The following XXYLT1 variants were observed in gnomAD, a reference collection of about 807,000 sequenced individuals.
The protein encoded by XXYLT1 is xyloside xylosyltransferase 1.
XXYLT1 carries 20 observed loss-of-function variants against 28.9 expected under a neutral mutation model. The observed-to-expected ratio is 0.69, with a 90% confidence interval of 0.49 to 1.00. The LOEUF (loss-of-function observed/expected upper bound fraction) is 1.00, where lower values mean the gene tolerates loss of function less well. Among genes scored for constraint, XXYLT1 ranks in the 50% least tolerant of loss-of-function variants. The pLI, the probability that XXYLT1 is intolerant of heterozygous loss-of-function variation, is 0.00. For synonymous variants in XXYLT1, 257 were observed against 253.8 expected (o/e 1.01, Z -0.12); for missense variants, 542 against 560.1 (o/e 0.97, Z 0.33).
At chr3:195,219,334 T>C (rs1723717993) in intron 2 of XXYLT1, among the ~76,000 whole-genome samples, 1 of 152,184 alleles carries the variant, frequency 6.6e-6, no homozygotes, top group South Asian at 2.1e-4. Context: ...TGAGTAAAAG[T>C]ACAAAAAGTA....
rs572479903 is a variant in XXYLT1 at position 195,210,335 on chromosome 3, C to G, written c.652+16374G>C. 1.3e-5 allele frequency among the ~76,000 whole-genome samples: 2 copies of G among 152,188 alleles called. No homozygotes were observed. Among genetic ancestry groups the G allele is most frequent in the Non-Finnish European group, 2.9e-5 (2 of 68,044 alleles). ...ACCCACTCACTTGGGGTCCCTCCAC[C>G]AACCGGAAGGTGAGCTCCCCAAGGG... On this transcript the variant is annotated intron_variant, in intron 2 of 3. Transcript: ENST00000310380. This position sits in a 1 kb window ranked among gnomAD's most constrained non-coding sequence, Gnocchi z 4.8.
Position 195,115,539 on chromosome 3 carries a change from G to A in XXYLT1, c.785+40910C>T, listed in dbSNP as rs1436139479. On this transcript the variant is annotated intron_variant, in intron 3 of 3. Coordinates refer to ENST00000310380, the MANE Select transcript of XXYLT1 (RefSeq NM_152531.5). This position sits in a 1 kb window ranked among gnomAD's most constrained non-coding sequence, Gnocchi z 4.2. The stretch of plus-strand genomic sequence containing the variant: ...ACCTGGAGTGGTTTCTGCTTCCTAC[G>A]CGATCCCTGGTTGATAAACCCTGCC... Among the ~76,000 whole-genome samples the A allele has an allele frequency of 2.0e-5, 3 of 152,152 alleles. No individual in the cohort carries two copies. Among genetic ancestry groups the A allele is most frequent in the Admixed American group, 6.5e-5 (1 of 15,276 alleles).
chr3:195,125,496 C>T (rs1718570371), intron 3 of XXYLT1, among the ~76,000 whole-genome samples: 2 of 152,174 alleles, frequency 1.3e-5, no homozygotes, highest in African/African-American at 4.8e-5. Flanking sequence ...GATATGAGCT[C>T]ACAAGCCTGG....
At chr3:195,247,145 G>A (rs1725056063) in intron 1 of XXYLT1, among the ~76,000 whole-genome samples, 1 of 152,160 alleles carries the variant, frequency 6.6e-6, no homozygotes, top group Admixed American at 6.5e-5. Context: ...AAAATAATGT[G>A]TTCCACCCCA....
At chr3:195,106,914 A>T (rs1403726928) in intron 3 of XXYLT1, among the ~76,000 whole-genome samples, 1 of 152,114 alleles carries the variant, frequency 6.6e-6, no homozygotes, top group African/African-American at 2.4e-5. Flanking sequence ...GGAGGAGAGT[A>T]GACACTTGGA....
At chr3:195,071,798 G>A (rs759627945) in intron 3 of XXYLT1, among the ~76,000 whole-genome samples, 15 of 152,128 alleles carry the variant, frequency 9.9e-5, no homozygotes, top group Admixed American at 3.9e-4. Flanking sequence ...AGGGCACCAT[G>A]ACATCAGAGA....
chr3:195,084,001 G>C (rs1715585182), intron 3 of XXYLT1, among the ~76,000 whole-genome samples: 1 of 152,108 alleles, frequency 6.6e-6, no homozygotes, highest in African/African-American at 2.4e-5. Flanking sequence ...ACTCCAGCCT[G>C]GGTGACAGTG....
intron 3 of XXYLT1, chr3:195,122,083 G>C (rs1718387210): frequency 2.8e-6 from 2 of 702,904 alleles, no homozygotes; most frequent in African/African-American, 3.5e-5. Flanking sequence ...TGTCTGGTGA[G>C]GACTCACTGC....
intron 2 of XXYLT1, among the ~76,000 whole-genome samples, chr3:195,198,477 A>G (rs1560147721): frequency 6.6e-6 from 1 of 152,136 alleles, no homozygotes; most frequent in East Asian, 1.9e-4. Context: ...CAAATATTCA[A>G]GGGCCTGGGA....
intron 1 of XXYLT1, among the ~76,000 whole-genome samples, chr3:195,250,288 C>T (rs956817259): frequency 6.6e-6 from 1 of 152,320 alleles, no homozygotes; most frequent in East Asian, 1.9e-4. Flanking sequence ...ACTGGCCGGG[C>T]GTGTTGGCTT....
At chr3:195,221,191 G>A (rs1214358759) in intron 2 of XXYLT1, among the ~76,000 whole-genome samples, 2 of 152,164 alleles carry the variant, frequency 1.3e-5, no homozygotes, top group Non-Finnish European at 2.9e-5. Flanking sequence ...AAACTGTCAA[G>A]GTCATCAAAA....
chr3:195,172,662 C>T (rs977991846), intron 2 of XXYLT1, among the ~76,000 whole-genome samples: 1 of 152,178 alleles, frequency 6.6e-6, no homozygotes, highest in African/African-American at 2.4e-5. Flanking sequence ...AAGATGGCCT[C>T]AGATGGCAGT....
chr3:195,087,895 C>T (rs1304832747), intron 3 of XXYLT1, among the ~76,000 whole-genome samples: 5 of 151,908 alleles, frequency 3.3e-5, no homozygotes, highest in African/African-American at 9.7e-5. Flanking sequence ...AGGGAGTTCC[C>T]TTTCAAAGGG....
intron 3 of XXYLT1, chr3:195,087,441 C>T (rs1205142695): frequency 1.3e-5 from 2 of 152,444 alleles, no homozygotes; most frequent in South Asian, 2.1e-4. Context: ...CTCCCTGTCT[C>T]TCCCCACTGC....
intron 3 of XXYLT1, among the ~76,000 whole-genome samples, chr3:195,153,485 T>G (rs1720394095): frequency 6.6e-6 from 1 of 152,178 alleles, no homozygotes. Context: ...AGTATAAGTC[T>G]CTGTTGATTT....
intron 2 of XXYLT1, among the ~76,000 whole-genome samples, chr3:195,165,481 C>T (rs140380819): frequency 2.6e-5 from 4 of 152,314 alleles, no homozygotes; most frequent in African/African-American, 9.6e-5. Flanking sequence ...AAGAATGGCC[C>T]CACATCATCC....
At chr3:195,165,106 T>C (rs1721052798) in intron 2 of XXYLT1, among the ~76,000 whole-genome samples, 1 of 152,068 alleles carries the variant, frequency 6.6e-6, no homozygotes, top group South Asian at 2.1e-4. Context: ...CTCTTTCGTG[T>C]CTCTAACATG....
At chr3:195,230,547 TG>T (rs549852569) in intron 1 of XXYLT1, among the ~76,000 whole-genome samples, 56 of 152,306 alleles carry the variant, frequency 3.7e-4, no homozygotes, top group Admixed American at 1.6e-3. Context: ...TAATCCACTT[TG>T]TTTTTTTATA....
At chr3:195,216,029 C>A (rs28810673) in intron 2 of XXYLT1, among the ~76,000 whole-genome samples, 6,906 of 151,148 alleles carry the variant, frequency 0.046, 558 homozygotes, top group African/African-American at 0.16. Flanking sequence ...CACTCAAAAC[C>A]GCTCAACTAC....
Sources: gnomAD v4.1 joint callset for allele counts (sites outside exome capture counted in the v4.1 genomes callset) on GRCh38, gnomAD v4.1.1 for gene constraint, Gnocchi (gnomAD v3.1) non-coding constraint, MANE v1.5 for transcripts, NCBI Gene and HGNC (gene_info 2026-07-23, HGNC 2026-07-21) for gene names.